Variants in ZNF385D observed in about 807,000 individuals in gnomAD.
The protein encoded by ZNF385D is zinc finger protein 385D, also known as zinc finger protein 659.
A neutral mutation model predicts 35.8 loss-of-function variants in ZNF385D; 15 were observed. The observed-to-expected ratio is 0.42, with a 90% CI of 0.28 to 0.64. ZNF385D has a LOEUF of 0.64. Among genes scored for constraint, ZNF385D ranks in the 30% least tolerant of loss-of-function variants. ZNF385D has a pLI of 0.23. For synonymous variants in ZNF385D, 212 were observed against 186.8 expected (o/e 1.13, Z -1.10); for missense variants, 474 against 494.6 (o/e 0.96, Z 0.39).
chr3:21,531,860 C>A (rs967171245), intron 3 of ZNF385D, among the ~76,000 whole-genome samples: 5 of 152,126 alleles, frequency 3.3e-5, no homozygotes, highest in African/African-American at 1.2e-4. Flanking sequence ...TATACGACAC[C>A]AATTACGAAC....
intron 3 of ZNF385D, among the ~76,000 whole-genome samples, chr3:21,784,814 C>A (rs1203127866): frequency 6.6e-6 from 1 of 152,066 alleles, no homozygotes; most frequent in East Asian, 1.9e-4. Context: ...TGATGTCTCT[C>A]CCTGCCTTAG....
At chr3:21,640,904 T>C (rs1414633072) in intron 2 of ZNF385D, among the ~76,000 whole-genome samples, 3 of 152,114 alleles carry the variant, frequency 2.0e-5, no homozygotes, top group Admixed American at 6.6e-5. Context: ...ATGTATTCTT[T>C]CGTGTTTGTG....
chr3:22,314,097 AC>A (rs1344906241), intron 2 of ZNF385D, among the ~76,000 whole-genome samples: 1 of 152,106 alleles, frequency 6.6e-6, no homozygotes, highest in South Asian at 2.1e-4. Flanking sequence ...AAGACACTTT[AC>A]TTTTTTAAAC....
intron 2 of ZNF385D, among the ~76,000 whole-genome samples, chr3:22,200,918 A>G (rs1696748718): frequency 6.6e-6 from 1 of 152,132 alleles, no homozygotes; most frequent in African/African-American, 2.4e-5. Context: ...TGTTCCCTCA[A>G]CACTGCTGTT....
chr3:21,705,698 C>A (rs556005011), intron 1 of ZNF385D, among the ~76,000 whole-genome samples: 1 of 152,304 alleles, frequency 6.6e-6, no homozygotes, highest in South Asian at 2.1e-4. Context: ...GAGCTGAAAA[C>A]AAAACCTTCT....
chr3:21,814,568 G>C (rs1187927160), intron 3 of ZNF385D, among the ~76,000 whole-genome samples: 4 of 152,080 alleles, frequency 2.6e-5, no homozygotes, highest in East Asian at 1.9e-4. Flanking sequence ...AACCAACAAA[G>C]ATCAAAAGAG....
intron 3 of ZNF385D, among the ~76,000 whole-genome samples, chr3:21,848,223 C>T (rs888882807): frequency 6.6e-6 from 1 of 151,818 alleles, no homozygotes; most frequent in Admixed American, 6.6e-5. Flanking sequence ...TATGTGTATA[C>T]CACATTTTCT....
chr3:21,871,431 GGTCA>G (rs1195447987), intron 3 of ZNF385D, among the ~76,000 whole-genome samples: 1 of 152,028 alleles, frequency 6.6e-6, no homozygotes, highest in Non-Finnish European at 1.5e-5. Flanking sequence ...TTTATTGTCT[GGTCA>G]GTCCACTAAA....
At chr3:21,960,643 T>C (rs893334510) in intron 3 of ZNF385D, among the ~76,000 whole-genome samples, 6 of 152,300 alleles carry the variant, frequency 3.9e-5, no homozygotes, top group Non-Finnish European at 5.9e-5. Flanking sequence ...CTCCTTTGTT[T>C]ATTGCAGCAC....
chr3:22,333,872 G>C (rs1337547398), intron 2 of ZNF385D, among the ~76,000 whole-genome samples: 1 of 152,130 alleles, frequency 6.6e-6, no homozygotes, highest in Non-Finnish European at 1.5e-5. Context: ...CTGCCAATCA[G>C]GTGGTACTAT....
At chr3:22,101,612 C>A (rs990195769) in intron 3 of ZNF385D, among the ~76,000 whole-genome samples, 2 of 151,996 alleles carry the variant, frequency 1.3e-5, no homozygotes, top group Admixed American at 1.3e-4. Flanking sequence ...AAAATAGGAA[C>A]TGACACATTT....
At chr3:21,457,093 A>G (rs756371752) in intron 4 of ZNF385D, among the ~76,000 whole-genome samples, 9 of 152,194 alleles carry the variant, frequency 5.9e-5, no homozygotes, top group Admixed American at 5.2e-4. Context: ...CTTAGCGTCT[A>G]GAATGGTTAC....
intron 3 of ZNF385D, among the ~76,000 whole-genome samples, chr3:22,061,673 T>G (rs1699693799): frequency 6.6e-6 from 1 of 152,180 alleles, no homozygotes; most frequent in South Asian, 2.1e-4. Flanking sequence ...TAGAATATAT[T>G]AAGTGTTATC....
intron 3 of ZNF385D, among the ~76,000 whole-genome samples, chr3:21,863,260 G>C (rs930094854): frequency 6.6e-6 from 1 of 152,000 alleles, no homozygotes; most frequent in East Asian, 1.9e-4. Context: ...TTCATCATTT[G>C]TCTCATTCGT....
chr3:21,755,453 T>C (rs932970514), upstream of ZNF385D, among the ~76,000 whole-genome samples: 7 of 152,224 alleles, frequency 4.6e-5, no homozygotes, highest in Non-Finnish European at 8.8e-5. Context: ...AAACCTAAAG[T>C]ATGGCTATAA....
intron 1 of ZNF385D, among the ~76,000 whole-genome samples, chr3:21,678,427 C>T (rs1200685835): frequency 6.6e-6 from 1 of 152,050 alleles, no homozygotes; most frequent in Non-Finnish European, 1.5e-5. Context: ...AACTCCCTCA[C>T]AGCTATTCTT....
At chr3:21,624,028 A>C (rs1217205808) in intron 2 of ZNF385D, among the ~76,000 whole-genome samples, 1 of 152,114 alleles carries the variant, frequency 6.6e-6, no homozygotes, top group East Asian at 1.9e-4. Flanking sequence ...ACATAAATGG[A>C]TTGAAGCATA....
At chr3:21,768,803 G>A (rs531173112) in intron 3 of ZNF385D, among the ~76,000 whole-genome samples, 18 of 151,904 alleles carry the variant, frequency 1.2e-4, no homozygotes, top group East Asian at 5.9e-4. Flanking sequence ...AGCTGGGGAC[G>A]AACGCCCCAT....
intron 3 of ZNF385D, among the ~76,000 whole-genome samples, chr3:21,826,140 T>C (rs1299626471): frequency 6.6e-6 from 1 of 152,194 alleles, no homozygotes; most frequent in Non-Finnish European, 1.5e-5. Context: ...TAAGTTGCTT[T>C]GACCAGAAGT....
Sources: allele counts gnomAD v4.1 joint callset (sites outside exome capture counted in the v4.1 genomes callset), GRCh38; gene constraint gnomAD v4.1.1; transcripts MANE v1.5; gene names NCBI Gene and HGNC (gene_info 2026-07-23, HGNC 2026-07-21).